The following RIMS2 variants were observed in gnomAD, a reference collection of about 807,000 sequenced individuals.
RIMS2 encodes the protein regulating synaptic membrane exocytosis protein 2.
Under a neutral mutation model 174.4 loss-of-function variants are expected in RIMS2, and 59 were observed. That is an observed-to-expected ratio of 0.34 (90% CI 0.27 to 0.42). RIMS2 has a LOEUF of 0.42. RIMS2 is among the 10% of genes least tolerant of loss of function. The pLI is 1.00. For synonymous variants in RIMS2, 606 were observed against 572.5 expected (o/e 1.06, Z -0.84); for missense variants, 1,620 against 1,666.3 (o/e 0.97, Z 0.48).
chr8:103,891,174 G>A lies in RIMS2; in HGVS notation c.1624+4951G>A, dbSNP rs76440255. On this transcript the variant is annotated intron_variant, in intron 4 of 23. Transcript: ENST00000504942. ...CATAACCATCATTTTTTTAAAAAGAGTAGACTAGAATAGAGTAGAAAACAT... is the reference window on the plus strand; with the variant it reads ...CATAACCATCATTTTTTTAAAAAGAATAGACTAGAATAGAGTAGAAAACAT... Among the ~76,000 whole-genome samples the A allele has an allele frequency of 3.1e-3, 468 of 152,140 alleles. 3 individuals are homozygous for A. Among genetic ancestry groups the A allele is most frequent in the African/African-American group, 0.011 (440 of 41,540 alleles).
intron 1 of RIMS2, among the ~76,000 whole-genome samples, chr8:103,619,167 GAA>G (rs2095575242): frequency 6.8e-6 from 1 of 147,696 alleles, no homozygotes; most frequent in Non-Finnish European, 1.5e-5. Context: ...AGTAACAAGA[GAA>G]CCAAAACCAA....
At chr8:103,897,403 A>G (rs1327712663) in intron 4 of RIMS2, among the ~76,000 whole-genome samples, 1 of 151,726 alleles carries the variant, frequency 6.6e-6, no homozygotes, top group African/African-American at 2.4e-5. Flanking sequence ...TCAGGTAGCC[A>G]TAAGTGGCCC....
At chr8:104,152,590 ATTTCAGTATTTGAGC>A (rs1195332749) in intron 19 of RIMS2, among the ~76,000 whole-genome samples, 36 of 152,084 alleles carry the variant, frequency 2.4e-4, no homozygotes, top group African/African-American at 8.4e-4. Context: ...AAATCTTCAA[ATTTCAGTATTTGAGC>A]ATATGATCTA....
intron 4 of RIMS2, among the ~76,000 whole-genome samples, chr8:103,891,598 T>C (rs2099246050): frequency 6.6e-6 from 1 of 152,086 alleles, no homozygotes; most frequent in South Asian, 2.1e-4. Context: ...CTGTGTCTCA[T>C]GGCCTAATCT....
At chr8:104,132,575 G>A (rs367742620) in intron 19 of RIMS2, among the ~76,000 whole-genome samples, 3 of 152,184 alleles carry the variant, frequency 2.0e-5, no homozygotes, top group East Asian at 1.9e-4. Flanking sequence ...AATGTTGACC[G>A]GGTATACAGA....
chr8:103,792,106 A>G lies in RIMS2; in HGVS notation c.698+25569A>G, dbSNP rs143400641. Among the ~76,000 whole-genome samples the G allele has an allele frequency of 9.1e-3, 1,386 of 152,286 alleles. 80 individuals carry two copies. Among genetic ancestry groups the G allele is most frequent in the Admixed American group, 0.084 (1,277 of 15,278 alleles). The stretch of plus-strand genomic sequence containing the variant: ...TCTACAGAAGTCTCCACCCCAAATC[A>G]ACAGAATATACATTCTTCTCAGCAC... On this transcript the variant is annotated intron_variant, in intron 3 of 23. Coordinates refer to ENST00000504942, the Ensembl canonical transcript of RIMS2.
At chr8:103,918,707 A>G in intron 9 of RIMS2, 1 of 506,214 alleles carries the variant, frequency 2.0e-6, no homozygotes, top group South Asian at 2.7e-5. Context: ...CTTATTACAG[A>G]TTTTTAGATA....
At chr8:104,035,903 G>T (rs1224899207) in intron 19 of RIMS2, among the ~76,000 whole-genome samples, 2 of 151,940 alleles carry the variant, frequency 1.3e-5, no homozygotes, top group Non-Finnish European at 2.9e-5. Flanking sequence ...TGACAAATCA[G>T]GTGATAGAAT....
At position 104,204,182 on chromosome 8, in the gene RIMS2, A is replaced by T. The variant is rs140976192; in HGVS notation, c.3335-40734A>T. On this transcript the variant is annotated intron_variant, in intron 19 of 23. Transcript: ENST00000504942. ...TTGTTATCATATGAACTTACATTAA[A>T]ATATACATATATATGGTGTACAGTA... 4.6e-3 allele frequency among the ~76,000 whole-genome samples: 698 copies of T among 152,366 alleles called. 9 individuals are homozygous for T. Among genetic ancestry groups the T allele is most frequent in the African/African-American group, 0.016 (656 of 41,578 alleles).
intron 17 of RIMS2, among the ~76,000 whole-genome samples, chr8:103,997,122 A>G (rs538752912): frequency 3.4e-4 from 52 of 152,002 alleles, no homozygotes; most frequent in African/African-American, 1.1e-3. Context: ...GCATGAAAGC[A>G]AACTCTAGCA....
chr8:103,595,398 C>G (rs925535049), intron 1 of RIMS2, among the ~76,000 whole-genome samples: 1 of 151,928 alleles, frequency 6.6e-6, no homozygotes, highest in African/African-American at 2.4e-5. Context: ...TGTCTTGTCC[C>G]TCACCCTCAA....
chr8:103,967,375 G>A (rs986417375), intron 15 of RIMS2, among the ~76,000 whole-genome samples: 6 of 151,484 alleles, frequency 4.0e-5, no homozygotes, highest in African/African-American at 1.5e-4. Context: ...TGTATTTTTA[G>A]TAGAGACAGG....
chr8:104,155,199 C>T (rs1275301215), intron 19 of RIMS2, among the ~76,000 whole-genome samples: 4 of 151,994 alleles, frequency 2.6e-5, no homozygotes, highest in Admixed American at 6.6e-5. Flanking sequence ...CTCCTCCTCC[C>T]GGGTTCACGC....
At chr8:103,517,741 G>A (rs2130161858) in intron 1 of RIMS2, among the ~76,000 whole-genome samples, 1 of 152,148 alleles carries the variant, frequency 6.6e-6, no homozygotes, top group Admixed American at 6.5e-5. Context: ...AGTGCAAGTG[G>A]TTTTCGTGGT....
intron 1 of RIMS2, among the ~76,000 whole-genome samples, chr8:103,649,729 C>T (rs1177012840): frequency 6.7e-6 from 1 of 150,358 alleles, no homozygotes; most frequent in Non-Finnish European, 1.5e-5. Context: ...CTTTTCTCTG[C>T]TTGGTCTATA....
intron 3 of RIMS2, among the ~76,000 whole-genome samples, chr8:103,781,644 G>A (rs1475316468): frequency 4.0e-5 from 6 of 150,142 alleles, no homozygotes; most frequent in African/African-American, 1.5e-4. Context: ...CTCTTTGAAT[G>A]TGTTTTGGAG....
intron 19 of RIMS2, among the ~76,000 whole-genome samples, chr8:104,043,778 A>G (rs1207176036): frequency 6.6e-6 from 1 of 151,710 alleles, no homozygotes; most frequent in Non-Finnish European, 1.5e-5. Flanking sequence ...AAGATGGAGC[A>G]TGGATTACAG....
At chr8:104,024,409 T>G (rs551709204) in intron 19 of RIMS2, among the ~76,000 whole-genome samples, 3 of 152,320 alleles carry the variant, frequency 2.0e-5, no homozygotes, top group Admixed American at 6.5e-5. Context: ...ATAACTACCT[T>G]TCTTCAATCC....
intron 1 of RIMS2, among the ~76,000 whole-genome samples, chr8:103,573,339 C>T (rs1407479093): frequency 6.6e-6 from 1 of 152,038 alleles, no homozygotes; most frequent in Non-Finnish European, 1.5e-5. Context: ...GTTGGGGTTA[C>T]AGGCATGAGC....
Sources: gnomAD v4.1 joint callset for allele counts (sites outside exome capture counted in the v4.1 genomes callset) on GRCh38, gnomAD v4.1.1 for gene constraint, MANE v1.5 for transcripts, NCBI Gene and HGNC (gene_info 2026-07-23, HGNC 2026-07-21) for gene names.